The following RRM2 variants were observed in gnomAD, a reference collection of about 807,000 sequenced individuals.
The protein encoded by RRM2 is ribonucleoside-diphosphate reductase subunit M2.
Under a neutral mutation model 45.9 loss-of-function variants are expected in RRM2, and 6 were observed. The ratio of observed to expected loss-of-function variants is 0.13; its 90% CI spans 0.07 to 0.26. RRM2 has a LOEUF of 0.26. RRM2 is among the 10% of genes least tolerant of loss of function. The pLI, the probability that RRM2 is intolerant of heterozygous loss-of-function variation, is 1.00. For missense variants in RRM2, 343 were observed against 489.5 expected (o/e 0.70, Z 2.82); for synonymous variants, 177 against 173.0 (o/e 1.02, Z -0.18).
At chr2:10,173,678 G>A (rs751153600) in intron 3 of RRM2, among the ~76,000 whole-genome samples, 26 of 152,242 alleles carry the variant, frequency 1.7e-4, no homozygotes, top group Non-Finnish European at 2.6e-4. Context: ...GGGCACCCCC[G>A]ATGCACAGTC....
exon 4 of RRM2, chr2:10,210,726 C>T (rs1472632244): frequency 1.3e-6 from 1 of 741,652 alleles, no homozygotes; most frequent in East Asian, 5.9e-5. Context: ...GGGTGGAGCA[C>T]TGTGGACTGA....
rs139907067 is a variant in RRM2 at position 10,180,891 on chromosome 2, C to T, written n.483-29420C>T. On this transcript the variant is annotated intron_variant and non_coding_transcript_variant, in intron 3 of 3. Transcript: ENST00000381786. Reference sequence around the variant, plus strand: ...AAGCGATTCTTGTGCCTCTGCCTCCCGAGTAGTTAGGACTGCAGGCACGCA... The same window carrying T: ...AAGCGATTCTTGTGCCTCTGCCTCCTGAGTAGTTAGGACTGCAGGCACGCA... Among the ~76,000 whole-genome samples the T allele has an allele frequency of 3.4e-3, 516 of 152,226 alleles. 2 individuals are homozygous for T. The highest frequency in any genetic ancestry group is 5.7e-3 in the Non-Finnish European group (387 of 68,020).
At chr2:10,146,379 G>A (rs959984761) in intron 3 of RRM2, among the ~76,000 whole-genome samples, 5 of 152,234 alleles carry the variant, frequency 3.3e-5, no homozygotes, top group Admixed American at 3.3e-4. Flanking sequence ...GGGACTTAGA[G>A]ACCCTGGTAT....
At chr2:10,162,264 C>T (rs1663577217) in intron 3 of RRM2, among the ~76,000 whole-genome samples, 2 of 152,154 alleles carry the variant, frequency 1.3e-5, no homozygotes, top group South Asian at 4.1e-4. Flanking sequence ...AGGTGTGGAG[C>T]CGCCCGTCGT....
At chr2:10,144,173 C>A (rs1663142727) in intron 3 of RRM2, among the ~76,000 whole-genome samples, 1 of 152,160 alleles carries the variant, frequency 6.6e-6, no homozygotes, top group Non-Finnish European at 1.5e-5. Flanking sequence ...AAGACTGAAT[C>A]CTCAGGGGAC....
intron 3 of RRM2, among the ~76,000 whole-genome samples, chr2:10,150,601 C>T (rs1663288546): frequency 6.6e-6 from 1 of 151,358 alleles, no homozygotes; most frequent in Admixed American, 6.6e-5. Flanking sequence ...CATATGTATA[C>T]ACCCATGCAG....
At chr2:10,156,951 C>T (rs1004255838) in intron 3 of RRM2, among the ~76,000 whole-genome samples, 29 of 148,018 alleles carry the variant, frequency 2.0e-4, no homozygotes, top group Middle Eastern at 3.4e-3. Context: ...GCCAGAGGAA[C>T]GTTTCAGATG....
intron 3 of RRM2, among the ~76,000 whole-genome samples, chr2:10,187,749 G>T (rs1279082018): frequency 6.6e-6 from 1 of 152,226 alleles, no homozygotes; most frequent in East Asian, 1.9e-4. Flanking sequence ...CGGCTGGGCA[G>T]GTTCAGGCCC....
At chr2:10,178,074 A>ACT (rs1663968807) in intron 3 of RRM2, among the ~76,000 whole-genome samples, 2 of 151,606 alleles carry the variant, frequency 1.3e-5, no homozygotes, top group Admixed American at 6.6e-5. Flanking sequence ...GGTGCCCACC[A>ACT]ACACGCCCGG....
chr2:10,167,874 C>T (rs1169731641), intron 3 of RRM2, among the ~76,000 whole-genome samples: 1 of 152,126 alleles, frequency 6.6e-6, no homozygotes, highest in African/African-American at 2.4e-5. Context: ...GTCTGCTTGG[C>T]CAGAGGAATT....
At chr2:10,184,091 TAAAAAA>T (rs60421650) in intron 3 of RRM2, among the ~76,000 whole-genome samples, 171 of 30,676 alleles carry the variant, frequency 5.6e-3, no homozygotes, top group Non-Finnish European at 7.8e-3. Context: ...AGACTCCATC[TAAAAAA>T]AAAAAAAAAA....
chr2:10,158,353 G>C (rs934700040), intron 3 of RRM2, among the ~76,000 whole-genome samples: 1 of 152,174 alleles, frequency 6.6e-6, no homozygotes, highest in African/African-American at 2.4e-5. Flanking sequence ...CATGTAGCCT[G>C]TAAGTGGCCT....
chr2:10,210,884 CAG>C (rs1199592952), exon 4 of RRM2: 10 of 281,498 alleles, frequency 3.6e-5, no homozygotes, highest in African/African-American at 2.0e-4. Context: ...TGTGAGGACA[CAG>C]AGGGCAGCCA....
chr2:10,126,166 A>T lies in RRM2; in HGVS notation c.570-709A>T, dbSNP rs1454097898. On this transcript the variant is annotated intron_variant, in intron 5 of 9. Coordinates refer to ENST00000304567, the MANE Select transcript of RRM2 (RefSeq NM_001034.4). ...AGAGTGAGACCCTCATCTCTTTAAAAAAAAAAAAAAAAAAAAAAAAAAAAA... is the reference window on the plus strand; with the variant it reads ...AGAGTGAGACCCTCATCTCTTTAAATAAAAAAAAAAAAAAAAAAAAAAAAA... 1.9e-3 allele frequency among the ~76,000 whole-genome samples: 42 copies of T among 21,898 alleles called. 1 individual carries two copies. The highest frequency in any genetic ancestry group is 7.2e-3 in the African/African-American group (35 of 4,844). The allele number at this position is 21,898 out of a possible 152,430, so 14.4% of individuals were successfully genotyped here.
At chr2:10,180,084 T>C (rs1664013243) in intron 3 of RRM2, among the ~76,000 whole-genome samples, 1 of 152,042 alleles carries the variant, frequency 6.6e-6, no homozygotes, top group Non-Finnish European at 1.5e-5. Flanking sequence ...ACGGCTCCCT[T>C]CCCCCAGAGG....
chr2:10,207,347 C>T (rs967354328), intron 3 of RRM2, among the ~76,000 whole-genome samples: 3 of 152,174 alleles, frequency 2.0e-5, no homozygotes, highest in Non-Finnish European at 4.4e-5. Context: ...GCCCCTGAAC[C>T]CCTCTGATCT....
At chr2:10,134,790 TATCTAAGGGAATTATTCTAAAG>T (rs2125310007), downstream of RRM2, among the ~76,000 whole-genome samples, 1 of 152,326 alleles carries the variant, frequency 6.6e-6, no homozygotes, top group East Asian at 1.9e-4. Context: ...GGAAGGGATG[TATCTAAGGGAATTATTCTAAAG>T]AAGATGAAAG....
intron 3 of RRM2, among the ~76,000 whole-genome samples, chr2:10,193,590 A>G (rs1664354745): frequency 6.6e-6 from 1 of 152,232 alleles, no homozygotes; most frequent in Admixed American, 6.5e-5. Context: ...GTGTGGGCAC[A>G]GCTCTGAGGC....
At position 10,131,343 on chromosome 2, in the gene RRM2, AC is replaced by A. The variant is rs758777026; in HGVS notation, c.*1958del. On this transcript the variant is annotated 3_prime_UTR_variant, in exon 10 of 10. Transcript: ENST00000304567. ...CATTTCCTAATCAGTTGAAAGGGAA[AC>A]AAGTATTTCAGTCTCAAAATTGAAT... 2.6e-5 allele frequency: 4 copies of A among 152,252 alleles called. No individual in the cohort carries two copies. The highest frequency in any genetic ancestry group is 4.4e-5 in the Non-Finnish European group (3 of 68,044). The allele number at this position is 152,252 out of a possible 1,614,324, so 9.4% of individuals were successfully genotyped here. A position where few individuals can be genotyped will look rare whatever the true frequency, so the allele number is the denominator to read the frequency against.
Sources: gnomAD v4.1 joint callset for allele counts (sites outside exome capture counted in the v4.1 genomes callset) on GRCh38, gnomAD v4.1.1 for gene constraint, MANE v1.5 for transcripts, NCBI Gene and HGNC (gene_info 2026-07-23, HGNC 2026-07-21) for gene names.